The following SRPK2 variants were observed in gnomAD, a reference collection of about 807,000 sequenced individuals.
SRPK2 encodes SFRS protein kinase 2.
In SRPK2, 21 loss-of-function variants were observed where a neutral mutation model predicts 90.8. That is an observed-to-expected ratio of 0.23 (90% CI 0.16 to 0.33). The LOEUF (loss-of-function observed/expected upper bound fraction) is 0.33. SRPK2 is among the 10% of genes least tolerant of loss of function. The pLI is 1.00. For synonymous variants in SRPK2, 288 were observed against 311.1 expected, an observed-to-expected ratio of 0.93 and a Z score of 0.78; for missense variants, 620 against 869.0, an observed-to-expected ratio of 0.71 and a Z score of 3.60.
chr7:105,272,865 G>A (rs17640623), intron 2 of SRPK2, among the ~76,000 whole-genome samples: 19 of 151,768 alleles, frequency 1.3e-4, no homozygotes, highest in African/African-American at 3.4e-4. Flanking sequence ...CACCATTGCC[G>A]TACCAAACCT....
chr7:105,128,964 C>A (rs1319783808), intron 13 of SRPK2, among the ~76,000 whole-genome samples: 1 of 152,168 alleles, frequency 6.6e-6, no homozygotes, highest in Non-Finnish European at 1.5e-5. Context: ...TGTATAGAAG[C>A]CAATCAATGA....
chr7:105,302,189 T>C (rs1810629535), intron 2 of SRPK2: 8 of 817,412 alleles, frequency 9.8e-6, no homozygotes, highest in Non-Finnish European at 2.1e-6. Flanking sequence ...TTTTATAAAA[T>C]AATTTTTGTA....
At chr7:105,363,186 T>TA (rs1202373170) in intron 2 of SRPK2, among the ~76,000 whole-genome samples, 3 of 151,572 alleles carry the variant, frequency 2.0e-5, no homozygotes, top group Admixed American at 6.6e-5. Flanking sequence ...TAAAGTATAA[T>TA]AAAAAATAAA....
At chr7:105,147,623 A>T (rs1419297985) in intron 7 of SRPK2, among the ~76,000 whole-genome samples, 4 of 152,148 alleles carry the variant, frequency 2.6e-5, no homozygotes, top group African/African-American at 9.7e-5. Context: ...GGCAACTACC[A>T]CCACTATTTA....
At chr7:105,351,736 G>A (rs1383077887) in intron 2 of SRPK2, among the ~76,000 whole-genome samples, 1 of 151,222 alleles carries the variant, frequency 6.6e-6, no homozygotes, top group Non-Finnish European at 1.5e-5. Flanking sequence ...CCCGGGGGGC[G>A]GAGGCTGCAG....
Position 105,160,826 on chromosome 7 carries a change from G to C in SRPK2, c.515-213C>G, listed in dbSNP as rs117883166. 6.5e-3 allele frequency among the ~76,000 whole-genome samples: 984 copies of C among 152,310 alleles called. 4 individuals are homozygous for C. The highest frequency in any genetic ancestry group is 8.6e-3 in the African/African-American group (358 of 41,566). ...ACAGGTGTTTCCCAGTATCTCAGGA[G>C]ATTGGTTCCAGGACCGCTCTCAGAT... On this transcript the variant is annotated intron_variant, in intron 6 of 15. Transcript: ENST00000393651.
intron 2 of SRPK2, among the ~76,000 whole-genome samples, chr7:105,374,605 A>T (rs934779127): frequency 1.3e-5 from 2 of 152,228 alleles, no homozygotes; most frequent in African/African-American, 4.8e-5. Flanking sequence ...GACATGAAAA[A>T]TATACATATA....
intron 3 of SRPK2, among the ~76,000 whole-genome samples, chr7:105,187,240 C>T (rs1793701810): frequency 6.6e-6 from 1 of 152,222 alleles, no homozygotes; most frequent in Non-Finnish European, 1.5e-5. Flanking sequence ...CTTTAAAAGA[C>T]TGATCAACTA....
chr7:105,117,039 CTCT>C lies in SRPK2; in HGVS notation c.*796_*798del, dbSNP rs763505884. On this transcript the variant is annotated 3_prime_UTR_variant, in exon 16 of 16. Coordinates refer to ENST00000393651, the MANE Select transcript of SRPK2 (RefSeq NM_182692.3). Reference sequence around the variant, plus strand: ...CCATCACATTTTTAAAGGGAAATTGCTCTTCTTTAAAAGTACTTTTAAAAATAT... The same window carrying C: ...CCATCACATTTTTAAAGGGAAATTGCTCTTTAAAAGTACTTTTAAAAATAT... The C allele has an allele frequency of 5.9e-5, 9 of 152,212 alleles. No individual in the cohort carries two copies. The highest frequency in any genetic ancestry group is 1.2e-4 in the Non-Finnish European group (8 of 68,042). The allele number at this position is 152,212 out of a possible 1,614,324, so 9.4% of individuals were successfully genotyped here. A position where few individuals can be genotyped will look rare whatever the true frequency, so the allele number is the denominator to read the frequency against.
At chr7:105,292,015 T>C (rs1025473700) in intron 2 of SRPK2, among the ~76,000 whole-genome samples, 7 of 152,190 alleles carry the variant, frequency 4.6e-5, no homozygotes, top group Non-Finnish European at 1.0e-4. Flanking sequence ...CCCAAAATGA[T>C]GGCCTAGTCA....
chr7:105,373,336 C>T (rs1372684040), intron 2 of SRPK2, among the ~76,000 whole-genome samples: 1 of 151,000 alleles, frequency 6.6e-6, no homozygotes, highest in Non-Finnish European at 1.5e-5. Context: ...TTCTCTCCCT[C>T]AACCGGTTTA....
In SRPK2 at chr7:105,256,094, A is replaced by G. The variant is rs78145776; in HGVS notation, c.72-52309T>C. On this transcript the variant is annotated intron_variant, in intron 2 of 15. Coordinates refer to ENST00000393651, the MANE Select transcript of SRPK2 (RefSeq NM_182692.3). ...CATGCCTCAAATGTCAGAAAAATCC[A>G]GAGACACACCTGTGAGCATCAAGAT... Among the ~76,000 whole-genome samples the G allele has an allele frequency of 5.3e-3, 812 of 152,334 alleles. 9 individuals carry two copies. Among genetic ancestry groups the G allele is most frequent in the Middle Eastern group, 0.031 (9 of 294 alleles).
chr7:105,183,345 C>T (rs1351068275), intron 3 of SRPK2, among the ~76,000 whole-genome samples: 1 of 152,194 alleles, frequency 6.6e-6, no homozygotes, highest in African/African-American at 2.4e-5. Flanking sequence ...GTCTAGAACA[C>T]TCCAGAACCA....
At chr7:105,357,122 C>T (rs568823124) in intron 2 of SRPK2, among the ~76,000 whole-genome samples, 12 of 151,916 alleles carry the variant, frequency 7.9e-5, no homozygotes, top group Non-Finnish European at 1.5e-4. Context: ...CTGCAAGCTC[C>T]GCCTCCCAGG....
intron 3 of SRPK2, among the ~76,000 whole-genome samples, chr7:105,172,620 C>G (rs927755756): frequency 6.6e-6 from 1 of 152,188 alleles, no homozygotes; most frequent in African/African-American, 2.4e-5. Flanking sequence ...GGTATTATTT[C>G]TACAATGCTA....
chr7:105,170,510 C>T (rs1355501177), intron 3 of SRPK2, among the ~76,000 whole-genome samples: 10 of 151,496 alleles, frequency 6.6e-5, no homozygotes, highest in African/African-American at 1.5e-4. Context: ...CTGGCCAACA[C>T]GGTGAAACCC....
At chr7:105,258,428 A>AG (rs1030060055) in intron 2 of SRPK2, among the ~76,000 whole-genome samples, 19 of 151,702 alleles carry the variant, frequency 1.3e-4, no homozygotes, top group African/African-American at 4.4e-4. Flanking sequence ...AAAAAAAAAA[A>AG]AAAAAAAGAA....
chr7:105,232,204 C>T (rs1020227749), intron 2 of SRPK2, among the ~76,000 whole-genome samples: 7 of 152,062 alleles, frequency 4.6e-5, no homozygotes, highest in Admixed American at 2.0e-4. Context: ...CGGTGGCTCA[C>T]GTCTGTAAGC....
chr7:105,192,022 C>T (rs534422364), intron 3 of SRPK2, among the ~76,000 whole-genome samples: 1 of 148,856 alleles, frequency 6.7e-6, no homozygotes, highest in Non-Finnish European at 1.5e-5. Context: ...TCCACTTATT[C>T]CTTTTAAAAG....
Sources: allele counts gnomAD v4.1 joint callset (sites outside exome capture counted in the v4.1 genomes callset), GRCh38; gene constraint gnomAD v4.1.1; transcripts MANE v1.5; gene names NCBI Gene and HGNC (gene_info 2026-07-23, HGNC 2026-07-21).